Variants in DLGAP1 observed in about 807,000 individuals in gnomAD.
DLGAP1 encodes disks large-associated protein 1.
In DLGAP1, 11 loss-of-function variants were observed where a neutral mutation model predicts 90.8. That is an observed-to-expected ratio of 0.12 (90% CI 0.08 to 0.20). The LOEUF is 0.20. Ranked by LOEUF, DLGAP1 falls within the 10% of genes least tolerant of loss-of-function variation. DLGAP1 has a pLI of 1.00. For synonymous variants in DLGAP1, 558 were observed against 540.7 expected (o/e 1.03, Z -0.44); for missense variants, 1,050 against 1,333.8 (o/e 0.79, Z 3.31).
At chr18:3,694,326 T>C (rs971004715) in intron 7 of DLGAP1, among the ~76,000 whole-genome samples, 4 of 152,192 alleles carry the variant, frequency 2.6e-5, no homozygotes, top group African/African-American at 7.2e-5. Context: ...TTTGCTATTG[T>C]GAATAGTGCT....
chr18:4,165,870 C>A (rs1356794322), intron 1 of DLGAP1, among the ~76,000 whole-genome samples: 3 of 152,112 alleles, frequency 2.0e-5, no homozygotes, highest in Admixed American at 6.6e-5. Context: ...ACAGAGAGAA[C>A]ATCAAGCTAG....
intron 7 of DLGAP1, chr18:3,679,854 T>G (rs1242017508): frequency 6.8e-6 from 1 of 147,314 alleles, no homozygotes; most frequent in Non-Finnish European, 1.5e-5. Context: ...CTTTCTTTCT[T>G]TTTTTTTTTT....
chr18:4,217,833 C>G (rs1158414200), intron 1 of DLGAP1, among the ~76,000 whole-genome samples: 1 of 151,946 alleles, frequency 6.6e-6, no homozygotes, highest in Non-Finnish European at 1.5e-5. Context: ...TTTATTGTGT[C>G]TTTTGGAAAA....
chr18:3,756,342 C>T (rs1387663964), intron 5 of DLGAP1, among the ~76,000 whole-genome samples: 5 of 152,006 alleles, frequency 3.3e-5, no homozygotes, highest in Non-Finnish European at 5.9e-5. Context: ...AGCCACCACG[C>T]CTGGCCTACA....
intron 5 of DLGAP1, among the ~76,000 whole-genome samples, chr18:3,797,116 G>A (rs570482639): frequency 2.6e-5 from 4 of 152,110 alleles, no homozygotes; most frequent in Non-Finnish European, 4.4e-5. Flanking sequence ...GGTGGATCAC[G>A]AGGTCAGGAG....
intron 1 of DLGAP1, among the ~76,000 whole-genome samples, chr18:4,175,461 C>G (rs1436138285): frequency 6.6e-6 from 1 of 152,134 alleles, no homozygotes; most frequent in African/African-American, 2.4e-5. Context: ...GTTGCAATTC[C>G]TTTCGGCATT....
rs2049748178 is a variant in DLGAP1, at chr18:3,497,916, A to G, written c.*1269T>C. On this transcript the variant is annotated 3_prime_UTR_variant, in exon 13 of 13. Coordinates refer to ENST00000315677, the MANE Select transcript of DLGAP1 (RefSeq NM_004746.4). ...TCTTCTCTCACTACCTGGAACCTCA[A>G]GATGACAGCGGCAGCTCTTTTGAAT... 6.6e-6 allele frequency: 1 copy of G among 152,246 alleles called. No homozygotes were observed. Among genetic ancestry groups the G allele is most frequent in the African/African-American group, 2.4e-5 (1 of 41,460 alleles). 9.4% of individuals were successfully genotyped at this position (152,246 alleles called of 1,614,324 possible). A position where few individuals can be genotyped will look rare whatever the true frequency, so the allele number is the denominator to read the frequency against.
chr18:4,105,282 C>T (rs1016426839), intron 2 of DLGAP1, among the ~76,000 whole-genome samples: 2 of 152,178 alleles, frequency 1.3e-5, no homozygotes, highest in Non-Finnish European at 2.9e-5. Flanking sequence ...TTCAAGGCCA[C>T]GCTTAGTGTG....
chr18:4,400,555 G>A (rs1469410107), intron 1 of DLGAP1, among the ~76,000 whole-genome samples: 2 of 152,060 alleles, frequency 1.3e-5, no homozygotes, highest in African/African-American at 4.8e-5. Flanking sequence ...TAAAGGACAT[G>A]AAATAAAGAC....
intron 7 of DLGAP1, among the ~76,000 whole-genome samples, chr18:3,616,084 G>A (rs1612128): frequency 0.64 from 97,800 of 152,056 alleles, 32,171 homozygotes; most frequent in African/African-American, 0.77. Context: ...CAGGCATAGA[G>A]TTCTGCTGAG....
chr18:4,102,853 TA>T (rs754909530), intron 2 of DLGAP1, among the ~76,000 whole-genome samples: 1 of 152,256 alleles, frequency 6.6e-6, no homozygotes, highest in Non-Finnish European at 1.5e-5. Flanking sequence ...ATTAGTGTTT[TA>T]ATTTCTTTAA....
At position 3,729,396 on chromosome 18, in the gene DLGAP1, T is replaced by C; in HGVS notation, c.1351-21A>G. 6.3e-7 allele frequency: 1 copy of C among 1,599,220 alleles called. No individual in the cohort carries two copies. The highest frequency in any genetic ancestry group is 8.6e-7 in the Non-Finnish European group (1 of 1,168,894). Reference sequence around the variant, plus strand: ...CTCACCTGCGGGCAGACACAGGCGTTGTGACACTCGCCTCCACCTGGTGGA... The same window carrying C: ...CTCACCTGCGGGCAGACACAGGCGTCGTGACACTCGCCTCCACCTGGTGGA... On this transcript the variant is annotated intron_variant, in intron 6 of 12. Coordinates refer to ENST00000315677, the MANE Select transcript of DLGAP1 (RefSeq NM_004746.4). The surrounding 1 kb of genome is among the most constrained non-coding windows in gnomAD (Gnocchi z 6.2).
intron 1 of DLGAP1, among the ~76,000 whole-genome samples, chr18:4,369,842 CGGG>C (rs1158544018): frequency 8.2e-6 from 1 of 122,310 alleles, no homozygotes; most frequent in Non-Finnish European, 1.7e-5. Flanking sequence ...AAAAAAAAGG[CGGG>C]GGGAAGAAAA....
chr18:3,591,019 C>T (rs149369726), intron 7 of DLGAP1, among the ~76,000 whole-genome samples: 50 of 152,048 alleles, frequency 3.3e-4, no homozygotes, highest in African/African-American at 1.2e-3. Context: ...AAAAAAAAGT[C>T]CTCTTTCTAG....
At chr18:3,888,115 A>AAAAAAAAAAAAAAAAAAAAAC (rs1405838234) in intron 3 of DLGAP1, among the ~76,000 whole-genome samples, 1 of 146,692 alleles carries the variant, frequency 6.8e-6, no homozygotes, top group African/African-American at 2.6e-5. Context: ...CTCAAAAAAA[A>AAAAAAAAAAAAAAAAAAAAAC]AAAAAAAAAA....
At chr18:4,432,590 G>GTA (rs2083309869) in intron 1 of DLGAP1, among the ~76,000 whole-genome samples, 2 of 37,840 alleles carry the variant, frequency 5.3e-5, no homozygotes, top group Admixed American at 7.0e-4. Context: ...ACCTCACATA[G>GTA]TGTGTGTGTG....
At chr18:3,861,085 T>G (rs943222656) in intron 4 of DLGAP1, among the ~76,000 whole-genome samples, 1 of 152,234 alleles carries the variant, frequency 6.6e-6, no homozygotes, top group Non-Finnish European at 1.5e-5. Flanking sequence ...TTAGAAGTCT[T>G]TGAATTCCCA....
chr18:4,220,795 A>C (rs1453356293), intron 1 of DLGAP1, among the ~76,000 whole-genome samples: 1 of 152,128 alleles, frequency 6.6e-6, no homozygotes, highest in Non-Finnish European at 1.5e-5. Flanking sequence ...GCAGGGAAGA[A>C]ATTCTTTCTA....
intron 8 of DLGAP1, among the ~76,000 whole-genome samples, chr18:3,571,777 C>T (rs1182898770): frequency 6.6e-6 from 1 of 152,154 alleles, no homozygotes; most frequent in Non-Finnish European, 1.5e-5. Flanking sequence ...CCGCCCGCCT[C>T]GGCCTCCCAA....
Sources: gnomAD v4.1 joint callset for allele counts (sites outside exome capture counted in the v4.1 genomes callset) on GRCh38, gnomAD v4.1.1 for gene constraint, Gnocchi (gnomAD v3.1) non-coding constraint, MANE v1.5 for transcripts, NCBI Gene and HGNC (gene_info 2026-07-23, HGNC 2026-07-21) for gene names.